PAPPA2: variants seen among roughly 807,000 people sequenced by gnomAD.
PAPPA2 encodes pappalysin 2, also known as pappalysin-2.
PAPPA2 carries 86 observed loss-of-function variants against 176.4 expected under a neutral mutation model. The ratio of observed to expected loss-of-function variants is 0.49; its 90% CI spans 0.41 to 0.58. The LOEUF (loss-of-function observed/expected upper bound fraction) is 0.58. Ranked by LOEUF, PAPPA2 falls within the 20% of genes least tolerant of loss-of-function variation. The pLI, the probability that PAPPA2 is intolerant of heterozygous loss-of-function variation, is 0.00. For missense variants in PAPPA2, 2,073 were observed against 2,256.9 expected (o/e 0.92, Z 1.65); for synonymous variants, 809 against 852.2 (o/e 0.95, Z 0.88).
At chr1:176,543,749 C>T (rs112548607) in intron 1 of PAPPA2, among the ~76,000 whole-genome samples, 9 of 152,292 alleles carry the variant, frequency 5.9e-5, no homozygotes, top group African/African-American at 1.7e-4. Flanking sequence ...GTTGTAAGGA[C>T]GCTGTTGCCA....
chr1:176,617,152 A>C (rs935190355), intron 3 of PAPPA2, among the ~76,000 whole-genome samples: 3 of 152,138 alleles, frequency 2.0e-5, no homozygotes, highest in African/African-American at 7.2e-5. Context: ...CACATGTCTG[A>C]ATAGAGGTTG....
chr1:176,668,664 T>C (rs1162071855), intron 3 of PAPPA2, among the ~76,000 whole-genome samples: 1 of 152,224 alleles, frequency 6.6e-6, no homozygotes, highest in Non-Finnish European at 1.5e-5. Flanking sequence ...GACCTCTATG[T>C]GTTTACTCTC....
At chr1:176,491,532 GA>G (rs1291687326) in intron 1 of PAPPA2, among the ~76,000 whole-genome samples, 7 of 152,128 alleles carry the variant, frequency 4.6e-5, no homozygotes, top group African/African-American at 1.7e-4. Flanking sequence ...CAGATTGGGG[GA>G]AAGATAAAAA....
chr1:176,767,058 G>C (rs1664003149), intron 15 of PAPPA2, among the ~76,000 whole-genome samples: 1 of 152,160 alleles, frequency 6.6e-6, no homozygotes. Flanking sequence ...AATATACCTT[G>C]AGGCACCAAC....
chr1:176,812,554 G>C (rs1056382818), intron 21 of PAPPA2, among the ~76,000 whole-genome samples: 1 of 151,898 alleles, frequency 6.6e-6, no homozygotes. Context: ...ATCCTATAAG[G>C]CATTGCTTAT....
chr1:176,801,146 A>G (rs1052817317), intron 21 of PAPPA2, among the ~76,000 whole-genome samples: 2 of 151,948 alleles, frequency 1.3e-5, no homozygotes, highest in African/African-American at 4.8e-5. Context: ...TCCCAACCTA[A>G]GAATAGCCAG....
chr1:176,796,156 A>C (rs1665415989), intron 20 of PAPPA2, among the ~76,000 whole-genome samples: 1 of 152,202 alleles, frequency 6.6e-6, no homozygotes, highest in African/African-American at 2.4e-5. Context: ...AGACTCAGAC[A>C]TGAGTCATGG....
At chr1:176,566,837 T>C (rs1418289938) in intron 2 of PAPPA2, among the ~76,000 whole-genome samples, 1 of 152,162 alleles carries the variant, frequency 6.6e-6, no homozygotes, top group African/African-American at 2.4e-5. Context: ...CCTCTTCCAA[T>C]CTGTGCCTTG....
At chr1:176,701,051 T>TACACACAC (rs374838543) in intron 8 of PAPPA2, among the ~76,000 whole-genome samples, 1,873 of 148,368 alleles carry the variant, frequency 0.013, 38 homozygotes, top group African/African-American at 0.035. Flanking sequence ...CACACACACA[T>TACACACAC]ACACACACAC....
intron 3 of PAPPA2, among the ~76,000 whole-genome samples, chr1:176,652,435 A>G (rs761217175): frequency 1.3e-4 from 20 of 151,786 alleles, no homozygotes; most frequent in South Asian, 2.1e-4. Flanking sequence ...GTTCTAGTAA[A>G]CAATCAGAGT....
chr1:176,579,585 G>T (rs1352471341), intron 2 of PAPPA2, among the ~76,000 whole-genome samples: 1 of 152,138 alleles, frequency 6.6e-6, no homozygotes, highest in Non-Finnish European at 1.5e-5. Flanking sequence ...TCTGCAAGTA[G>T]TGGTCTGCAA....
intron 2 of PAPPA2, among the ~76,000 whole-genome samples, chr1:176,581,929 T>C (rs946149196): frequency 2.1e-5 from 3 of 141,698 alleles, no homozygotes; most frequent in Non-Finnish European, 3.1e-5. Context: ...TTTCTTTTTT[T>C]TTTTTTTTTT....
At chr1:176,700,148 G>A (rs577584870) in intron 8 of PAPPA2, among the ~76,000 whole-genome samples, 2 of 152,006 alleles carry the variant, frequency 1.3e-5, no homozygotes, top group South Asian at 4.2e-4. Flanking sequence ...TCCTCTTCCT[G>A]TTAGTTCTGT....
At chr1:176,597,332 C>G (rs888129155) in intron 3 of PAPPA2, among the ~76,000 whole-genome samples, 1 of 152,090 alleles carries the variant, frequency 6.6e-6, no homozygotes, top group Non-Finnish European at 1.5e-5. Flanking sequence ...GAAAGTAGCT[C>G]TAAAGTTTTC....
At position 176,798,897 on chromosome 1, in the gene PAPPA2, G is replaced by A. The variant is rs539032740; in HGVS notation, c.5131-1164G>A. Among the ~76,000 whole-genome samples the A allele has an allele frequency of 2.0e-4, 30 of 152,320 alleles. No individual in the cohort carries two copies. In the South Asian group the frequency reaches 6.0e-3, roughly 30 times the overall value. ...CCTCTAGAGAAGCTGTGAAGGAGGAGTTTTAGCTTTTAGCAGTACGACTCC... is the reference window on the plus strand; with the variant it reads ...CCTCTAGAGAAGCTGTGAAGGAGGAATTTTAGCTTTTAGCAGTACGACTCC... On this transcript the variant is annotated intron_variant, in intron 20 of 22. Coordinates refer to ENST00000367662, the MANE Select transcript of PAPPA2 (RefSeq NM_020318.3).
At chr1:176,737,516 G>C (rs1235310782) in intron 12 of PAPPA2, among the ~76,000 whole-genome samples, 3 of 152,074 alleles carry the variant, frequency 2.0e-5, no homozygotes, top group African/African-American at 7.2e-5. Flanking sequence ...CACTGTGAAA[G>C]GAAATGCCCA....
chr1:176,771,722 T>C (rs749462947), intron 17 of PAPPA2, among the ~76,000 whole-genome samples: 1 of 152,254 alleles, frequency 6.6e-6, no homozygotes, highest in African/African-American at 2.4e-5. Context: ...ATTGTTATTA[T>C]ATCTTTCTCC....
intron 1 of PAPPA2, among the ~76,000 whole-genome samples, chr1:176,554,450 G>A (rs948946331): frequency 2.2e-4 from 33 of 152,182 alleles, no homozygotes; most frequent in Admixed American, 6.5e-5. Context: ...ATGTATACAT[G>A]TGTGTATTTG....
intron 9 of PAPPA2, among the ~76,000 whole-genome samples, chr1:176,704,252 A>G (rs1337856737): frequency 6.6e-6 from 1 of 152,198 alleles, no homozygotes; most frequent in Non-Finnish European, 1.5e-5. Flanking sequence ...TTACTTATCA[A>G]AATGTTCCTT....
Sources: gnomAD v4.1 joint callset for allele counts (sites outside exome capture counted in the v4.1 genomes callset) on GRCh38, gnomAD v4.1.1 for gene constraint, MANE v1.5 for transcripts, NCBI Gene and HGNC (gene_info 2026-07-23, HGNC 2026-07-21) for gene names.